ELAVL4: variants seen among roughly 807,000 people sequenced by gnomAD.
The protein encoded by ELAVL4 is ELAV like RNA binding protein 4, also known as ELAV-like protein 4.
A neutral mutation model predicts 35.6 loss-of-function variants in ELAVL4; 1 was observed. The observed-to-expected ratio is 0.03, with a 90% CI of 0.01 to 0.13. The LOEUF (loss-of-function observed/expected upper bound fraction) is 0.13. Among genes scored for constraint, ELAVL4 ranks in the 10% least tolerant of loss-of-function variants. The probability of loss-of-function intolerance (pLI) is 1.00; values close to 1 mark genes in which losing one functional copy is unlikely to be tolerated. For missense variants in ELAVL4, 267 were observed against 464.9 expected (o/e 0.57, Z 3.91); for synonymous variants, 156 against 171.0 (o/e 0.91, Z 0.69).
At chr1:50,090,334 C>T (rs1572158069) in intron 1 of ELAVL4, among the ~76,000 whole-genome samples, 3 of 152,138 alleles carry the variant, frequency 2.0e-5, no homozygotes, top group East Asian at 1.9e-4. Context: ...CTCTTTTTCA[C>T]TTTTCAGAAG....
chr1:50,101,303 A>G (rs1292960667), upstream of ELAVL4, among the ~76,000 whole-genome samples: 2 of 152,214 alleles, frequency 1.3e-5, no homozygotes, highest in African/African-American at 2.4e-5. Flanking sequence ...AAAAACGGGT[A>G]GGGTTGGGGA....
At chr1:50,190,795 T>C (rs1190968783) in intron 3 of ELAVL4, among the ~76,000 whole-genome samples, 3 of 152,212 alleles carry the variant, frequency 2.0e-5, no homozygotes, top group African/African-American at 7.2e-5. Context: ...GCAGAACTAA[T>C]GGGAGTTAAG....
intron 1 of ELAVL4, among the ~76,000 whole-genome samples, chr1:50,073,783 ATTGCCAT>A: frequency 6.6e-6 from 1 of 150,484 alleles, no homozygotes; most frequent in South Asian, 2.1e-4. Flanking sequence ...GAATATAATG[ATTGCCAT>A]AACTAACTAG....
intron 2 of ELAVL4, among the ~76,000 whole-genome samples, chr1:50,159,208 A>G (rs981300267): frequency 6.6e-6 from 1 of 152,228 alleles, no homozygotes; most frequent in South Asian, 2.1e-4. Context: ...TATTCATTTG[A>G]GAATTCCATC....
At chr1:50,133,631 GAAAGAAAGAAAGAAAGAAAGAGAA>G (rs1378407633) in intron 1 of ELAVL4, among the ~76,000 whole-genome samples, 5 of 148,766 alleles carry the variant, frequency 3.4e-5, no homozygotes, top group South Asian at 2.2e-4. Context: ...AAGAAAGAAA[GAAAGAAAGAAAGAAAGAAAGAGAA>G]AGAAAGAAAG....
intron 2 of ELAVL4, among the ~76,000 whole-genome samples, chr1:50,171,843 G>T (rs188286620): frequency 6.6e-6 from 1 of 152,322 alleles, no homozygotes; most frequent in East Asian, 1.9e-4. Flanking sequence ...GGAGTCCCAG[G>T]ATATGGAGTT....
intron 1 of ELAVL4, among the ~76,000 whole-genome samples, chr1:50,077,333 G>C (rs1664809326): frequency 6.6e-6 from 1 of 152,186 alleles, no homozygotes. Flanking sequence ...CTTAAGCCTG[G>C]AAAGAGCCAA....
At chr1:50,099,614 A>G (rs1665878124), upstream of ELAVL4, among the ~76,000 whole-genome samples, 1 of 152,070 alleles carries the variant, frequency 6.6e-6, no homozygotes. Context: ...AATGAACTAT[A>G]ATCCATTGAA....
At chr1:50,065,818 T>C (rs1183648445) in intron 1 of ELAVL4, among the ~76,000 whole-genome samples, 1 of 152,152 alleles carries the variant, frequency 6.6e-6, no homozygotes, top group Non-Finnish European at 1.5e-5. Context: ...TTCTTTCACA[T>C]GTGTCGGGGT....
At chr1:50,117,862 T>C (rs1432753652) in intron 1 of ELAVL4, among the ~76,000 whole-genome samples, 5 of 152,096 alleles carry the variant, frequency 3.3e-5, no homozygotes, top group African/African-American at 9.7e-5. Context: ...GTGTTGTTGT[T>C]TTTTTCTATA....
chr1:50,079,763 T>G (rs2148494877), intron 1 of ELAVL4, among the ~76,000 whole-genome samples: 1 of 152,330 alleles, frequency 6.6e-6, no homozygotes, highest in Admixed American at 6.5e-5. Context: ...GGTGTTAAAC[T>G]TAAGGTTTTA....
chr1:50,155,695 C>T (rs1172929119), intron 2 of ELAVL4, among the ~76,000 whole-genome samples: 1 of 152,094 alleles, frequency 6.6e-6, no homozygotes, highest in African/African-American at 2.4e-5. Flanking sequence ...CCCTTCAGAC[C>T]CCAAGGCTGG....
chr1:50,152,734 G>A (rs1030243891), intron 2 of ELAVL4, among the ~76,000 whole-genome samples: 2 of 151,920 alleles, frequency 1.3e-5, no homozygotes, highest in East Asian at 1.9e-4. Flanking sequence ...TTTATTCCTC[G>A]TAAGAACTAA....
chr1:50,048,140 C>G (rs879597296), exon 1 of ELAVL4: 4 of 1,518,054 alleles, frequency 2.6e-6, no homozygotes, highest in Admixed American at 2.0e-5. Context: ...TCCGCAGCCT[C>G]GGGCCGGATC....
rs951279986 is a variant in ELAVL4, at chr1:50,055,530, A to G, written c.18+7348A>G. Among the ~76,000 whole-genome samples, 11 of 151,966 alleles carry G rather than the reference A, an allele frequency of 7.2e-5. No homozygotes were observed. The East Asian group carries it at 2.1e-3, about 30-fold the overall frequency. On this transcript the variant is annotated intron_variant, in intron 1 of 6. Coordinates refer to the ELAVL4 transcript ENST00000448907. Reference sequence around the variant, plus strand: ...TAGCCAGGATGGTCTTGATCTCCTGACCTCGTGATCCACCCGCCTCGGCCT... The same window carrying G: ...TAGCCAGGATGGTCTTGATCTCCTGGCCTCGTGATCCACCCGCCTCGGCCT...
At chr1:50,070,765 C>T (rs1269219190) in intron 1 of ELAVL4, among the ~76,000 whole-genome samples, 2 of 145,242 alleles carry the variant, frequency 1.4e-5, no homozygotes, top group Non-Finnish European at 3.0e-5. Flanking sequence ...AAAAAAGCCA[C>T]TACTAAACGG....
At chr1:50,192,463 T>C (rs116767315) in intron 3 of ELAVL4, among the ~76,000 whole-genome samples, 56 of 151,466 alleles carry the variant, frequency 3.7e-4, no homozygotes, top group Non-Finnish European at 6.6e-4. Context: ...GGTCTTAATG[T>C]CAAAGGTCTG....
chr1:50,084,333 G>A (rs1375353915), intron 1 of ELAVL4, among the ~76,000 whole-genome samples: 1 of 152,080 alleles, frequency 6.6e-6, no homozygotes, highest in East Asian at 1.9e-4. Context: ...AGCTTAGAAA[G>A]GTTAAATAAT....
At chr1:50,090,269 G>GA (rs1225462173) in intron 1 of ELAVL4, among the ~76,000 whole-genome samples, 4 of 152,110 alleles carry the variant, frequency 2.6e-5, no homozygotes, top group Admixed American at 6.6e-5. Context: ...ACTAGTCCTT[G>GA]AAAAAATCCC....
Sources: gnomAD v4.1 joint callset for allele counts (sites outside exome capture counted in the v4.1 genomes callset) on GRCh38, gnomAD v4.1.1 for gene constraint, MANE v1.5 for transcripts, NCBI Gene and HGNC (gene_info 2026-07-23, HGNC 2026-07-21) for gene names.